MAK16: variants seen among roughly 807,000 people sequenced by gnomAD.
MAK16 encodes the protein protein MAK16 homolog.
MAK16 carries 12 observed loss-of-function variants against 49.9 expected under a neutral mutation model. The observed-to-expected ratio is 0.24, with a 90% CI of 0.15 to 0.39. The LOEUF (loss-of-function observed/expected upper bound fraction) is 0.39. MAK16 is among the 10% of genes least tolerant of loss of function. The probability of loss-of-function intolerance (pLI) is 1.00; values close to 1 mark genes in which losing one functional copy is unlikely to be tolerated. For missense variants in MAK16, 292 were observed against 363.7 expected (o/e 0.80, Z 1.60); for synonymous variants, 115 against 126.4 (o/e 0.91, Z 0.60).
chr8:33,488,860 C>T (rs1338497350), intron 4 of MAK16, 62 bp downstream of exon 4: 6 of 1,599,478 alleles, frequency 3.8e-6, no homozygotes, highest in Non-Finnish European at 5.1e-6. Context: ...ACATGCTTGA[C>T]CATGATGCCC....
chr8:33,497,306 T>TATGGGTAAAAAG lies in MAK16; in HGVS notation c.705+12_705+23dup, dbSNP rs1326382357. On this transcript the variant is annotated intron_variant, in intron 9 of 9. Transcript: ENST00000360128. Reference sequence around the variant, plus strand: ...ACATAAGTGATTTTGAGGTGAGCTTTATGGGTAAAAAGATTGTCCTTTGGC... The same window carrying TATGGGTAAAAAG: ...ACATAAGTGATTTTGAGGTGAGCTTTATGGGTAAAAAGATGGGTAAAAAGATTGTCCTTTGGC... 3.8e-6 allele frequency: 6 copies of TATGGGTAAAAAG among 1,591,724 alleles called. No individual in the cohort carries two copies. Among genetic ancestry groups the TATGGGTAAAAAG allele is most frequent in the Non-Finnish European group, 5.2e-6 (6 of 1,164,014 alleles).
rs762422199 is a variant in MAK16, at chr8:33,489,047, C to T, written c.300C>T (p.Tyr100=). Residue 100 remains tyrosine (Y), a synonymous_variant, in exon 5 of 10, where the codon TAC becomes TAT. Transcript: ENST00000360128. The surrounding 1 kb of genome is among the most constrained non-coding windows in gnomAD (Gnocchi z 4.2). Reference sequence around the variant, plus strand: ...AGCAAATAGATGAAAATCTGATTTACTGGCCCCGTTTCATTCGACACAAAT... The same window carrying T: ...AGCAAATAGATGAAAATCTGATTTATTGGCCCCGTTTCATTCGACACAAAT... ...ALEQIDENLI[Y]WPRFIRHKCK... 1.1e-5 allele frequency: 18 copies of T among 1,613,968 alleles called. No homozygotes were observed. Among genetic ancestry groups the T allele is most frequent in the African/African-American group, 5.3e-5 (4 of 74,940 alleles).
chr8:33,498,975 A>C lies in MAK16; in HGVS notation c.*346A>C. 1 of 600,702 alleles carries C rather than the reference A, an allele frequency of 1.7e-6. No homozygotes were observed. The highest frequency in any genetic ancestry group is 2.9e-6 in the Non-Finnish European group (1 of 342,362). The allele number at this position is 600,702 out of a possible 1,614,324, so 37.2% of individuals were successfully genotyped here. Reference sequence around the variant, plus strand: ...GGTGTCCTTTTTTCTCCCAAACTTTATTTAGAAATGGAAGGAGTTCAATTT... The same window carrying C: ...GGTGTCCTTTTTTCTCCCAAACTTTCTTTAGAAATGGAAGGAGTTCAATTT... On this transcript the variant is annotated 3_prime_UTR_variant, in exon 10 of 10. Coordinates refer to ENST00000360128, the MANE Select transcript of MAK16 (RefSeq NM_032509.4).
At chr8:33,486,847 G>C (rs2128823144) in intron 1 of MAK16, among the ~76,000 whole-genome samples, 1 of 152,312 alleles carries the variant, frequency 6.6e-6, no homozygotes, top group East Asian at 1.9e-4. Flanking sequence ...TTGCCTTTTA[G>C]ATATTGAAGA....
At chr8:33,492,914 T>A (rs1215924517) in intron 6 of MAK16, among the ~76,000 whole-genome samples, 1 of 152,002 alleles carries the variant, frequency 6.6e-6, no homozygotes, top group Non-Finnish European at 1.5e-5. Flanking sequence ...TTAGCTATCC[T>A]AGATCTTTTG....
At position 33,500,116 on chromosome 8, in the gene MAK16, C is replaced by G; in HGVS notation, c.*1487C>G. 1.9e-6 allele frequency: 1 copy of G among 537,860 alleles called. No individual in the cohort carries two copies. The highest frequency in any genetic ancestry group is 3.3e-6 in the Non-Finnish European group (1 of 303,210). The allele number at this position is 537,860 out of a possible 1,614,324, so 33.3% of individuals were successfully genotyped here. On this transcript the variant is annotated 3_prime_UTR_variant, in exon 10 of 10. Coordinates refer to ENST00000360128, the MANE Select transcript of MAK16 (RefSeq NM_032509.4). ...CCAGTGACATGTGCTGATCCTCCTG[C>G]CTTTAGTTCTAAATGGTTCTGAATA...
intron 9 of MAK16, 98 bp from the exon 10 acceptor site, chr8:33,498,334 C>T (rs1364341259): frequency 4.5e-6 from 4 of 882,382 alleles, no homozygotes; most frequent in East Asian, 2.8e-5. Context: ...ATAGACAAAT[C>T]AATGCCCTAG....
chr8:33,494,144 G>C (rs1282148465), intron 6 of MAK16, among the ~76,000 whole-genome samples: 1 of 152,142 alleles, frequency 6.6e-6, no homozygotes, highest in African/African-American at 2.4e-5. Context: ...CGCCATCTCG[G>C]CTCACTGCAA....
Position 33,490,583 on chromosome 8 carries a change from T to A in MAK16, c.447+244T>A, listed in dbSNP as rs1808762328. ...ACAGAAAGAATCCACAACTCCTTTT[T>A]CTGAATTTCTTGTGGTCAAATATTT... On this transcript the variant is annotated intron_variant, in intron 6 of 9. Coordinates refer to ENST00000360128, the MANE Select transcript of MAK16 (RefSeq NM_032509.4). Among the ~76,000 whole-genome samples, 3 of 152,240 alleles carry A rather than the reference T, an allele frequency of 2.0e-5. No individual in the cohort carries two copies. The South Asian group carries it at 6.2e-4, about 32-fold the overall frequency.
chr8:33,485,846 A>G (rs183370153), intron 1 of MAK16, among the ~76,000 whole-genome samples: 1 of 152,362 alleles, frequency 6.6e-6, no homozygotes, highest in East Asian at 1.9e-4. Flanking sequence ...TGAACAAATA[A>G]GTTAACAATT....
rs767487402 is a variant in MAK16, at chr8:33,497,303, C to T, written c.705+6C>T. The T allele has an allele frequency of 6.6e-6, 10 of 1,520,728 alleles. No individual in the cohort carries two copies. In the African/African-American group the frequency reaches 7.4e-5, roughly 11 times the overall value. 94.2% of individuals were successfully genotyped at this position (1,520,728 alleles called of 1,614,324 possible). A position where few individuals can be genotyped will look rare whatever the true frequency, so the allele number is the denominator to read the frequency against. ...GTGACATAAGTGATTTTGAGGTGAG[C>T]TTTATGGGTAAAAAGATTGTCCTTT... On this transcript the variant is annotated splice_donor_region_variant and intron_variant, in intron 9 of 9. Coordinates refer to ENST00000360128, the MANE Select transcript of MAK16 (RefSeq NM_032509.4).
rs113126575 is a variant in MAK16 at position 33,492,945 on chromosome 8, G to C, written c.448-2597G>C. Among the ~76,000 whole-genome samples the C allele has an allele frequency of 3.7e-3, 544 of 148,154 alleles. 4 individuals carry two copies. The highest frequency in any genetic ancestry group is 0.013 in the African/African-American group (519 of 39,430). ...TTTTGTGGTTTCATAACAATTTTAG[G>C]ATTTTTTTTTCTATTTCTGTGAAGA... On this transcript the variant is annotated intron_variant, in intron 6 of 9. Coordinates refer to ENST00000360128, the MANE Select transcript of MAK16 (RefSeq NM_032509.4).
chr8:33,490,419 T>A, intron 6 of MAK16, 80 bp downstream of exon 6: 1 of 1,145,558 alleles, frequency 8.7e-7, no homozygotes, highest in Non-Finnish European at 1.3e-6. Flanking sequence ...CATCATTATG[T>A]AAACTGTTGA....
Position 33,487,076 on chromosome 8 carries a change from A to G in MAK16, c.16-1302A>G, listed in dbSNP as rs184944995. On this transcript the variant is annotated intron_variant, in intron 1 of 9. Coordinates refer to ENST00000360128, the MANE Select transcript of MAK16 (RefSeq NM_032509.4). ...TTCATATTTTTCCTTTAACAGTGGT[A>G]AAGCTTTTTTTTACCCCAGTTCCTC... Among the ~76,000 whole-genome samples, 8 of 152,284 alleles carry G rather than the reference A, an allele frequency of 5.3e-5. No homozygotes were observed. In the East Asian group the frequency reaches 1.5e-3, roughly 29 times the overall value.
intron 1 of MAK16, among the ~76,000 whole-genome samples, chr8:33,485,867 A>G (rs1254808560): frequency 6.6e-6 from 1 of 152,190 alleles, no homozygotes; most frequent in African/African-American, 2.4e-5. Context: ...ACACTATATA[A>G]TCATACTATG....
At chr8:33,486,760 TGG>T (rs1314314294) in intron 1 of MAK16, among the ~76,000 whole-genome samples, 1 of 152,146 alleles carries the variant, frequency 6.6e-6, no homozygotes, top group Non-Finnish European at 1.5e-5. Flanking sequence ...TTTATTGAAG[TGG>T]GGGAACTCTA....
chr8:33,500,492 T>C lies in MAK16; in HGVS notation c.*1863T>C. The C allele has an allele frequency of 6.2e-7, 1 of 1,614,032 alleles. No individual in the cohort carries two copies. Among genetic ancestry groups the C allele is most frequent in the Non-Finnish European group, 8.5e-7 (1 of 1,179,982 alleles). On this transcript the variant is annotated 3_prime_UTR_variant, in exon 10 of 10. Coordinates refer to ENST00000360128, the MANE Select transcript of MAK16 (RefSeq NM_032509.4). The stretch of plus-strand genomic sequence containing the variant: ...AAGACCACAAGTCTGCAGGAAACTC[T>C]GGAATCAGGAAGAAAAGCTATGTTC...
chr8:33,490,246 C>T (rs1348721360), intron 5 of MAK16, 39 bp from the exon 6 acceptor site: 3 of 1,535,870 alleles, frequency 2.0e-6, no homozygotes, highest in Admixed American at 3.4e-5. Context: ...GAACACAGCA[C>T]ATGACAGTGG....
At chr8:33,495,154 A>G (rs1199980120) in intron 6 of MAK16, among the ~76,000 whole-genome samples, 1 of 152,194 alleles carries the variant, frequency 6.6e-6, no homozygotes, top group Non-Finnish European at 1.5e-5. Flanking sequence ...GGAATCTAGC[A>G]TGATTTTAGA....
Sources: gnomAD v4.1 joint callset for allele counts (sites outside exome capture counted in the v4.1 genomes callset) on GRCh38, gnomAD v4.1.1 for gene constraint, Gnocchi (gnomAD v3.1) non-coding constraint, MANE v1.5 for transcripts, NCBI Gene and HGNC (gene_info 2026-07-23, HGNC 2026-07-21) for gene names.